Variants in CRYBB1 observed in about 807,000 individuals in gnomAD.
CRYBB1 encodes beta-crystallin B1.
CRYBB1 carries 16 observed loss-of-function variants against 29.5 expected under a neutral mutation model. The observed-to-expected ratio is 0.54, with a 90% CI of 0.37 to 0.82. The LOEUF is 0.82. CRYBB1 is among the 40% of genes least tolerant of loss of function. CRYBB1 has a pLI of 0.00. For synonymous variants in CRYBB1, 127 were observed against 136.7 expected (o/e 0.93, Z 0.49); for missense variants, 300 against 350.5 (o/e 0.86, Z 1.15).
intron 3 of CRYBB1, among the ~76,000 whole-genome samples, chr22:26,610,494 T>C (rs146962771): frequency 1.3e-3 from 203 of 152,210 alleles, no homozygotes; most frequent in Non-Finnish European, 2.2e-3. Context: ...TTTGAGTCAC[T>C]GGTACCAAAA....
chr22:26,609,016 G>A (rs1292573857), intron 3 of CRYBB1, among the ~76,000 whole-genome samples: 1 of 152,210 alleles, frequency 6.6e-6, no homozygotes, highest in African/African-American at 2.4e-5. Context: ...GGCAGTGCAG[G>A]TGGGGTAGAT....
chr22:26,613,453 G>A (rs887949124), intron 2 of CRYBB1, among the ~76,000 whole-genome samples: 1 of 152,178 alleles, frequency 6.6e-6, no homozygotes, highest in African/African-American at 2.4e-5. Flanking sequence ...AGAAGAACGT[G>A]GATTGTGAAG....
rs80208098 is a variant in CRYBB1, at chr22:26,616,994, G to A, written c.-19-656C>T. Among the ~76,000 whole-genome samples the A allele has an allele frequency of 1.3e-4, 20 of 152,366 alleles. No homozygotes were observed. In the East Asian group the frequency reaches 3.3e-3, roughly 25 times the overall value. Reference sequence around the variant, plus strand: ...CTTGCTCTGCACCTGGCACATAGGAGATGCCCAATTAACATTTGTTCAGAG... The same window carrying A: ...CTTGCTCTGCACCTGGCACATAGGAAATGCCCAATTAACATTTGTTCAGAG... On this transcript the variant is annotated intron_variant, in intron 1 of 5. Transcript: ENST00000647684.
chr22:26,613,972 C>T (rs1417631231), intron 2 of CRYBB1, among the ~76,000 whole-genome samples: 7 of 152,102 alleles, frequency 4.6e-5, no homozygotes, highest in Admixed American at 2.0e-4. Context: ...TTATGGTCGA[C>T]GCTGCAGAGA....
chr22:26,613,398 G>A (rs547721329), intron 2 of CRYBB1, among the ~76,000 whole-genome samples: 25 of 152,280 alleles, frequency 1.6e-4, no homozygotes, highest in Middle Eastern at 3.4e-3. Flanking sequence ...GGGATGTTGC[G>A]GGAAGTCAGG....
At position 26,601,868 on chromosome 22, in the gene CRYBB1, G is replaced by A. The variant is rs1162585271; in HGVS notation, c.575+11C>T. On this transcript the variant is annotated intron_variant, in intron 5 of 5. Coordinates refer to ENST00000647684, the MANE Select transcript of CRYBB1 (RefSeq NM_001887.4). Reference sequence around the variant, plus strand: ...AGCAGGGGACGCGGACCTGGCAGGAGGGATGCTTACGTTCCACTGGAGACC... The same window carrying A: ...AGCAGGGGACGCGGACCTGGCAGGAAGGATGCTTACGTTCCACTGGAGACC... 6.2e-7 allele frequency: 1 copy of A among 1,611,798 alleles called. No individual in the cohort carries two copies. Among genetic ancestry groups the A allele is most frequent in the South Asian group, 1.1e-5 (1 of 90,986 alleles).
chr22:26,609,228 G>A (rs1929081909), intron 3 of CRYBB1, among the ~76,000 whole-genome samples: 2 of 152,230 alleles, frequency 1.3e-5, no homozygotes, highest in Non-Finnish European at 2.9e-5. Context: ...GGCTGAGACA[G>A]AATGCATCAC....
chr22:26,608,056 A>G (rs1929040852), intron 3 of CRYBB1, 35 bp from the exon 4 acceptor site: 2 of 1,613,946 alleles, frequency 1.2e-6, no homozygotes, highest in Admixed American at 3.3e-5. Context: ...CAGACAGGAG[A>G]CATATGGTTA....
intron 4 of CRYBB1, among the ~76,000 whole-genome samples, chr22:26,607,019 C>CTTT (rs34126720): frequency 4.9e-4 from 55 of 111,956 alleles, no homozygotes; most frequent in Non-Finnish European, 6.6e-4. Flanking sequence ...TATCCCTCTC[C>CTTT]TTTTTTTTTT....
intron 4 of CRYBB1, among the ~76,000 whole-genome samples, chr22:26,605,231 A>T (rs1430891168): frequency 1.3e-5 from 2 of 152,134 alleles, no homozygotes; most frequent in Non-Finnish European, 2.9e-5. Flanking sequence ...TTTGTGTAAC[A>T]CCTACCACAG....
At position 26,612,137 on chromosome 22, in the gene CRYBB1, C is replaced by T; in HGVS notation, c.234G>A (p.Gly78=). Residue 78 remains glycine, a synonymous_variant, in exon 3 of 6, where the codon GGG becomes GGA. Coordinates refer to ENST00000647684, the MANE Select transcript of CRYBB1 (RefSeq NM_001887.4). ...CACGGTCTGCCAGATTTGAGCACTCCCCCGAGAATTCTGCTCGACGGCCCT... is the reference window on the plus strand; with the variant it reads ...CACGGTCTGCCAGATTTGAGCACTCTCCCGAGAATTCTGCTCGACGGCCCT... ...NFQGRRAEFS[G]ECSNLADRGF... 6.2e-7 allele frequency: 1 copy of T among 1,613,978 alleles called. No homozygotes were observed. The highest frequency in any genetic ancestry group is 2.2e-5 in the East Asian group (1 of 44,854).
intron 1 of CRYBB1, among the ~76,000 whole-genome samples, chr22:26,616,804 C>T (rs1055943227): frequency 1.3e-5 from 2 of 152,218 alleles, no homozygotes; most frequent in Non-Finnish European, 2.9e-5. Flanking sequence ...TCATGATCCC[C>T]TCTGAGCAGC....
intron 2 of CRYBB1, among the ~76,000 whole-genome samples, chr22:26,614,164 G>A (rs192806730): frequency 2.0e-5 from 3 of 152,246 alleles, no homozygotes; most frequent in African/African-American, 7.2e-5. Context: ...CTGTGATCCT[G>A]TGATCTCTCC....
chr22:26,604,812 A>G lies in CRYBB1; in HGVS notation c.433-2791T>C, dbSNP rs190219008. On this transcript the variant is annotated intron_variant, in intron 4 of 5. Coordinates refer to ENST00000647684, the MANE Select transcript of CRYBB1 (RefSeq NM_001887.4). ...ACCAGCCAGTGGTAAAAGTACAACA[A>G]TGATTACTTATTACTGTTACGGTCT... Among the ~76,000 whole-genome samples the G allele has an allele frequency of 9.9e-5, 15 of 152,284 alleles. 1 individual carries two copies. The East Asian group carries it at 2.7e-3, about 27-fold the overall frequency.
chr22:26,614,403 C>A (rs370490881), intron 2 of CRYBB1, among the ~76,000 whole-genome samples: 1 of 151,974 alleles, frequency 6.6e-6, no homozygotes, highest in East Asian at 1.9e-4. Flanking sequence ...TCAAGCTGGC[C>A]GACGCTTAGG....
At chr22:26,607,019 C>CTTTTTT (rs34126720) in intron 4 of CRYBB1, among the ~76,000 whole-genome samples, 4 of 111,960 alleles carry the variant, frequency 3.6e-5, no homozygotes, top group Admixed American at 1.0e-4. Context: ...TATCCCTCTC[C>CTTTTTT]TTTTTTTTTT....
At chr22:26,601,627 G>A (rs1469316801) in intron 5 of CRYBB1, among the ~76,000 whole-genome samples, 1 of 151,486 alleles carries the variant, frequency 6.6e-6, no homozygotes, top group African/African-American at 2.4e-5. Flanking sequence ...AGGCTTAGCA[G>A]CTCCTATTTT....
intron 3 of CRYBB1, among the ~76,000 whole-genome samples, chr22:26,608,270 T>C (rs1336692752): frequency 1.3e-5 from 2 of 152,110 alleles, no homozygotes; most frequent in Non-Finnish European, 2.9e-5. Context: ...TTCCTTGGAG[T>C]TGGTGAAGGA....
intron 1 of CRYBB1, 67 bp downstream of exon 1, chr22:26,617,908 CCT>C (rs1417758897): frequency 6.5e-6 from 1 of 153,468 alleles, no homozygotes; most frequent in Non-Finnish European, 1.5e-5. Context: ...TCTCTGCCTC[CCT>C]CTCTCTGTCT....
Sources: gnomAD v4.1 joint callset for allele counts (sites outside exome capture counted in the v4.1 genomes callset) on GRCh38, gnomAD v4.1.1 for gene constraint, MANE v1.5 for transcripts, NCBI Gene and HGNC (gene_info 2026-07-23, HGNC 2026-07-21) for gene names.